The following ITPK1 variants were observed in gnomAD, a reference collection of about 807,000 sequenced individuals.
ITPK1 encodes inositol-tetrakisphosphate 1-kinase, also known as inositol 1,3,4-trisphosphate 5/6-kinase.
Under a neutral mutation model 45.3 loss-of-function variants are expected in ITPK1, and 21 were observed. The ratio of observed to expected loss-of-function variants is 0.46; its 90% CI spans 0.33 to 0.67. ITPK1 has a LOEUF of 0.67. Among genes scored for constraint, ITPK1 ranks in the 30% least tolerant of loss-of-function variants. The pLI, the probability that ITPK1 is intolerant of heterozygous loss-of-function variation, is 0.02. For missense variants in ITPK1, 474 were observed against 573.5 expected (o/e 0.83, Z 1.77); for synonymous variants, 258 against 253.6 (o/e 1.02, Z -0.16).
chr14:92,941,946 G>A, intron 10 of ITPK1, 42 bp from the exon 11 acceptor site: 2 of 1,562,412 alleles, frequency 1.3e-6, no homozygotes, highest in East Asian at 2.3e-5. Flanking sequence ...GTGAGCCAGG[G>A]GCACGCATCA....
At chr14:93,050,721 T>C (rs946461591) in intron 3 of ITPK1, among the ~76,000 whole-genome samples, 6 of 151,752 alleles carry the variant, frequency 4.0e-5, no homozygotes, top group African/African-American at 1.5e-4. Context: ...AGGTGAGGAA[T>C]GGTTAGAGAC....
At chr14:93,105,462 C>T (rs1310105732) in intron 2 of ITPK1, among the ~76,000 whole-genome samples, 2 of 151,804 alleles carry the variant, frequency 1.3e-5, no homozygotes, top group South Asian at 2.1e-4. Context: ...GAATCTTCAT[C>T]TCACAGGGAA....
At chr14:92,962,525 G>A (rs752813419) in intron 6 of ITPK1, 130 bp from the exon 7 acceptor site, 8 of 769,194 alleles carry the variant, frequency 1.0e-5, no homozygotes, top group Non-Finnish European at 1.6e-5. Context: ...CTGCACTGAG[G>A]GTGACGTGTG....
intron 2 of ITPK1, among the ~76,000 whole-genome samples, chr14:93,104,898 G>A (rs1167872255): frequency 2.0e-5 from 3 of 152,198 alleles, no homozygotes; most frequent in Non-Finnish European, 4.4e-5. Flanking sequence ...AAGAATGGTT[G>A]CTGAGGAGTC....
At chr14:93,056,047 G>A (rs79957402) in intron 3 of ITPK1, among the ~76,000 whole-genome samples, 360 of 152,314 alleles carry the variant, frequency 2.4e-3, no homozygotes, top group African/African-American at 8.0e-3. Context: ...CACCCGGTCT[G>A]GGGAAAGGAG....
In ITPK1 at chr14:93,076,741, T is replaced by C; in HGVS notation, c.96-122A>G. On this transcript the variant is annotated intron_variant, in intron 2 of 10. Coordinates refer to ENST00000267615, the MANE Select transcript of ITPK1 (RefSeq NM_014216.6). The surrounding 1 kb of genome is among the most constrained non-coding windows in gnomAD (Gnocchi z 4.3). ...AGGGTTTCAGGAGGGAGCCGGCAGC[T>C]GCGCCTCTCCTGCTACTGTCCCAGA... 1 of 1,126,542 alleles carries C rather than the reference T, an allele frequency of 8.9e-7. No individual in the cohort carries two copies. Among genetic ancestry groups the C allele is most frequent in the Non-Finnish European group, 1.3e-6 (1 of 748,920 alleles). The allele number at this position is 1,126,542 out of a possible 1,614,324, so 69.8% of individuals were successfully genotyped here.
At chr14:93,113,567 T>A (rs916020998) in intron 2 of ITPK1, among the ~76,000 whole-genome samples, 4 of 152,228 alleles carry the variant, frequency 2.6e-5, no homozygotes, top group South Asian at 2.1e-4. Context: ...CCAAAGCAGC[T>A]GCTCCAAATT....
At chr14:93,096,066 C>T (rs914945100) in intron 2 of ITPK1, among the ~76,000 whole-genome samples, 2 of 152,158 alleles carry the variant, frequency 1.3e-5, no homozygotes, top group African/African-American at 2.4e-5. Flanking sequence ...CCTGGCCCTG[C>T]CTGCTTCCTC....
At chr14:93,028,566 T>C (rs1028620187) in intron 3 of ITPK1, among the ~76,000 whole-genome samples, 2 of 152,194 alleles carry the variant, frequency 1.3e-5, no homozygotes, top group East Asian at 3.8e-4. Context: ...TGAGACACTG[T>C]TTCCTCACTG....
At position 92,937,612 on chromosome 14, in the gene ITPK1, A is replaced by C. The variant is rs1182513258; in HGVS notation, c.*3949T>G. The C allele has an allele frequency of 6.6e-6, 1 of 152,352 alleles. No individual in the cohort carries two copies. The highest frequency in any genetic ancestry group is 1.9e-4 in the East Asian group (1 of 5,208). 9.4% of individuals were successfully genotyped at this position (152,352 alleles called of 1,614,324 possible). A position where few individuals can be genotyped will look rare whatever the true frequency, so the allele number is the denominator to read the frequency against. The stretch of plus-strand genomic sequence containing the variant: ...GGGAGGCTCACTCACTCCAAACCAC[A>C]CTGACAATGGCTGTGCAGAGAGAAG... On this transcript the variant is annotated 3_prime_UTR_variant, in exon 11 of 11. Coordinates refer to ENST00000267615, the MANE Select transcript of ITPK1 (RefSeq NM_014216.6).
chr14:93,017,286 A>G (rs1888228932), intron 3 of ITPK1, among the ~76,000 whole-genome samples: 1 of 152,214 alleles, frequency 6.6e-6, no homozygotes, highest in African/African-American at 2.4e-5. Flanking sequence ...AATCTATAAA[A>G]AGCCTTAGCA....
intron 3 of ITPK1, among the ~76,000 whole-genome samples, chr14:93,055,864 A>C (rs1890196849): frequency 6.6e-6 from 1 of 152,134 alleles, no homozygotes; most frequent in Non-Finnish European, 1.5e-5. Flanking sequence ...CTGGAGTGGC[A>C]ATGACTCCAC....
At position 92,987,206 on chromosome 14, in the gene ITPK1, AC is replaced by A. The variant is rs536333338; in HGVS notation, c.364+6673del. On this transcript the variant is annotated intron_variant, in intron 5 of 10. Coordinates refer to ENST00000267615, the MANE Select transcript of ITPK1 (RefSeq NM_014216.6). ...GGGAAGCTCTCACTACTCTCCAGGG[AC>A]CCCTGCTGCAGCTAGGCCAGGGAAG... Among the ~76,000 whole-genome samples the A allele has an allele frequency of 3.7e-4, 57 of 152,242 alleles. No individual in the cohort carries two copies. In the South Asian group the frequency reaches 0.012, roughly 32 times the overall value.
chr14:93,048,358 A>G (rs889543220), intron 3 of ITPK1, among the ~76,000 whole-genome samples: 2 of 152,272 alleles, frequency 1.3e-5, no homozygotes, highest in Non-Finnish European at 2.9e-5. Flanking sequence ...CAAGCTCAGA[A>G]TCATGAGTGA....
chr14:93,041,583 G>T (rs1028036785), intron 3 of ITPK1, among the ~76,000 whole-genome samples: 4 of 152,246 alleles, frequency 2.6e-5, no homozygotes, highest in Non-Finnish European at 5.9e-5. Flanking sequence ...CACAGTGAAA[G>T]TAGGCCCTGT....
chr14:93,105,843 A>G (rs1274020259), intron 2 of ITPK1, among the ~76,000 whole-genome samples: 1 of 151,754 alleles, frequency 6.6e-6, no homozygotes, highest in Non-Finnish European at 1.5e-5. Context: ...AGCTGGGATT[A>G]CAGGTGCCAG....
rs982741436 is a variant in ITPK1 at position 93,034,702 on chromosome 14, T to A, written c.121-17901A>T. ...AGCAAGGGAGAAGCAGACACTGAGA[T>A]GGAAGCGGCAGCTGTGCCCACTGAG... On this transcript the variant is annotated intron_variant, in intron 3 of 10. Transcript: ENST00000267615. This position sits in a 1 kb window ranked among gnomAD's most constrained non-coding sequence, Gnocchi z 4.1. Among the ~76,000 whole-genome samples the A allele has an allele frequency of 6.6e-6, 1 of 152,240 alleles. No homozygotes were observed. The highest frequency in any genetic ancestry group is 2.4e-5 in the African/African-American group (1 of 41,466).
chr14:93,007,301 C>G (rs1437340915), intron 4 of ITPK1, among the ~76,000 whole-genome samples: 3 of 152,220 alleles, frequency 2.0e-5, no homozygotes, highest in Admixed American at 1.3e-4. Flanking sequence ...AGAAGAGCAG[C>G]TTCCCTACAT....
chr14:92,940,546 GA>G lies in ITPK1; in HGVS notation c.*1014del. On this transcript the variant is annotated 3_prime_UTR_variant, in exon 11 of 11. Coordinates refer to ENST00000267615, the MANE Select transcript of ITPK1 (RefSeq NM_014216.6). ...GGGTGAGGAGGGACCCAGCAGGTGT[GA>G]AAAGGAGTGAACCCACTGGGAAGAG... is the stretch of plus-strand genomic sequence containing the variant. 3.4e-6 allele frequency: 4 copies of G among 1,175,908 alleles called. No homozygotes were observed. Among genetic ancestry groups the G allele is most frequent in the Non-Finnish European group, 4.3e-6 (4 of 934,546 alleles). The allele number at this position is 1,175,908 out of a possible 1,614,324, so 72.8% of individuals were successfully genotyped here. A position where few individuals can be genotyped will look rare whatever the true frequency, so the allele number is the denominator to read the frequency against.
Sources: gnomAD v4.1 joint callset for allele counts (sites outside exome capture counted in the v4.1 genomes callset) on GRCh38, gnomAD v4.1.1 for gene constraint, Gnocchi (gnomAD v3.1) non-coding constraint, MANE v1.5 for transcripts, NCBI Gene and HGNC (gene_info 2026-07-23, HGNC 2026-07-21) for gene names.